CBL: variants seen among roughly 807,000 people sequenced by gnomAD.
CBL encodes the protein E3 ubiquitin-protein ligase CBL.
In CBL, 45 loss-of-function variants were observed where a neutral mutation model predicts 96.9. That is an observed-to-expected ratio of 0.46 (90% CI 0.37 to 0.60). The LOEUF (loss-of-function observed/expected upper bound fraction) is 0.60. Among genes scored for constraint, CBL ranks in the 20% least tolerant of loss-of-function variants. CBL has a pLI of 0.00. For missense variants in CBL, 1,024 were observed against 1,143.5 expected (o/e 0.90, Z 1.51); for synonymous variants, 420 against 426.8 (o/e 0.98, Z 0.20).
rs895664191 is a variant in CBL at position 119,273,933 on chromosome 11, T to C, written c.656T>C (p.Leu219Pro). The change falls in exon 4 of 16, where the codon CTG becomes CCG. Residue 219 changes from leucine to proline, a missense_variant. Around this residue, in one of 4 missense-constraint regions of CBL, gnomAD observed 192 missense variants for 321.8 expected, o/e 0.60. Transcript: ENST00000264033. ...LHEVHPISSGLEAMALKSTID... is the reference protein window; with the variant it reads ...LHEVHPISSGPEAMALKSTID... ...GAAGTGCATCCCATCAGTTCTGGGC[T>C]GGAGGCCATGGCTCTGAAATCCACT... 1.9e-6 allele frequency: 3 copies of C among 1,614,034 alleles called. No individual in the cohort carries two copies. Among genetic ancestry groups the C allele is most frequent in the Non-Finnish European group, 2.5e-6 (3 of 1,179,850 alleles).
At position 119,211,169 on chromosome 11, in the gene CBL, C is replaced by G. The variant is rs12364448; in HGVS notation, c.195+4557C>G. Among the ~76,000 whole-genome samples, 298 of 152,126 alleles carry G rather than the reference C, an allele frequency of 2.0e-3. 1 individual carries two copies. Among genetic ancestry groups the G allele is most frequent in the African/African-American group, 3.2e-3 (131 of 41,528 alleles). ...AGCGGATCATCTGAGGTCAGGAGTT[C>G]GAGACCAGCCTGGCCAAAAAGGTGA... On this transcript the variant is annotated intron_variant, in intron 1 of 15. Transcript: ENST00000264033.
At chr11:119,206,759 G>A (rs1436521152) in intron 1 of CBL, 147 bp downstream of exon 1, 19 of 774,894 alleles carry the variant, frequency 2.5e-5, no homozygotes, top group Middle Eastern at 3.8e-4. Context: ...GGCCGGGGGC[G>A]TGGGGGCAGG....
At position 119,303,229 on chromosome 11, in the gene CBL, C is replaced by T. The variant is rs1039210431; in HGVS notation, c.*3448C>T. On this transcript the variant is annotated 3_prime_UTR_variant, in exon 16 of 16. Transcript: ENST00000264033. ...TAAAGCAGAATATTCTCCTACCTCA[C>T]GTCATTAAAGTCAGAAGATTATAGA... 3 of 231,536 alleles carry T rather than the reference C, an allele frequency of 1.3e-5. No homozygotes were observed. The highest frequency in any genetic ancestry group is 6.1e-5 in the East Asian group (1 of 16,278). The allele number at this position is 231,536 out of a possible 1,614,324, so 14.3% of individuals were successfully genotyped here. A position where few individuals can be genotyped will look rare whatever the true frequency, so the allele number is the denominator to read the frequency against.
intron 2 of CBL, among the ~76,000 whole-genome samples, chr11:119,265,015 T>C (rs1949790846): frequency 6.6e-6 from 1 of 152,106 alleles, no homozygotes; most frequent in Admixed American, 6.5e-5. Context: ...TAGCTGGGAC[T>C]ACAGCTGTGC....
chr11:119,299,188 A>G (rs192464904), intron 15 of CBL, among the ~76,000 whole-genome samples: 23 of 152,388 alleles, frequency 1.5e-4, no homozygotes, highest in Admixed American at 3.9e-4. Flanking sequence ...TCCCCTCAGA[A>G]TTAAAACAGA....
intron 9 of CBL, among the ~76,000 whole-genome samples, chr11:119,280,408 A>G (rs182964883): frequency 4.9e-4 from 75 of 152,268 alleles, no homozygotes; most frequent in Non-Finnish European, 8.7e-4. Flanking sequence ...AAATAATTTG[A>G]GTGAAAATAT....
Position 119,305,094 on chromosome 11 carries a change from G to C in CBL, c.*5313G>C. ...AGAGACTCCACAGACACCCTAAAAA[G>C]GCTTCTACTCAAGAAGTAAAGCCAC... On this transcript the variant is annotated 3_prime_UTR_variant, in exon 16 of 16. Transcript: ENST00000264033. 1 of 219,854 alleles carries C rather than the reference G, an allele frequency of 4.5e-6. No individual in the cohort carries two copies. Among genetic ancestry groups the C allele is most frequent in the Non-Finnish European group, 9.1e-6 (1 of 109,550 alleles). The allele number at this position is 219,854 out of a possible 1,614,324, so 13.6% of individuals were successfully genotyped here. A position where few individuals can be genotyped will look rare whatever the true frequency, so the allele number is the denominator to read the frequency against.
At chr11:119,278,380 G>C (rs2135304152) in intron 8 of CBL, 83 bp downstream of exon 8, 1 of 1,561,392 alleles carries the variant, frequency 6.4e-7, no homozygotes. Flanking sequence ...TGATACAAGG[G>C]GTGGCCTGGC....
At chr11:119,293,342 A>AAGTGATCCACCC (rs1417393513) in intron 12 of CBL, among the ~76,000 whole-genome samples, 1 of 152,026 alleles carries the variant, frequency 6.6e-6, no homozygotes, top group African/African-American at 2.4e-5. Flanking sequence ...TCCTGACCTC[A>AAGTGATCCACCC]AGTGATCCAC....
At position 119,287,852 on chromosome 11, in the gene CBL, A is replaced by G. The variant is rs143264567; in HGVS notation, c.1942A>G (p.Ser648Gly). ...TTCAACACTTTTCTTTACTTTCCAG[A>G]GTATGAATAGCAGCCCATTAGTAGG... ...GSTFSLDTSM[S>G]MNSSPLVGPE... Residue 648 changes from serine (S) to glycine (G), a missense_variant and splice_region_variant, in exon 12 of 16, where the codon AGT (serine) becomes GGT (glycine). Transcript: ENST00000264033. The G allele has an allele frequency of 3.1e-6, 5 of 1,602,332 alleles. No homozygotes were observed. The South Asian group carries it at 4.4e-5, about 14-fold the overall frequency.
At chr11:119,245,227 T>C (rs906683789) in intron 2 of CBL, among the ~76,000 whole-genome samples, 1 of 151,808 alleles carries the variant, frequency 6.6e-6, no homozygotes, top group Non-Finnish European at 1.5e-5. Context: ...AGCTTTTTTT[T>C]ATTAATGCAG....
intron 2 of CBL, among the ~76,000 whole-genome samples, chr11:119,255,804 A>G (rs1426244219): frequency 6.6e-6 from 1 of 152,154 alleles, no homozygotes. Context: ...GTATGTCTAT[A>G]TATGAATGAT....
chr11:119,288,548 C>G (rs1591265869), intron 12 of CBL, among the ~76,000 whole-genome samples: 1 of 152,094 alleles, frequency 6.6e-6, no homozygotes, highest in African/African-American at 2.4e-5. Context: ...GCTACTGGGT[C>G]CTCCTATTCT....
chr11:119,284,277 G>A (rs1452217715), intron 9 of CBL, among the ~76,000 whole-genome samples: 5 of 151,794 alleles, frequency 3.3e-5, no homozygotes, highest in Admixed American at 3.3e-4. Context: ...GTTAATATCT[G>A]CACCCCCCGC....
chr11:119,260,939 C>CTTTT lies in CBL; in HGVS notation c.444-10779_444-10776dup, dbSNP rs35248070. On this transcript the variant is annotated intron_variant, in intron 2 of 15. Transcript: ENST00000264033. ...TTTCACTTTGGCAGTTAAATCTCTA[C>CTTTT]TTTTTTTTTTTTTTTTTTTTAATGG... Among the ~76,000 whole-genome samples, 81 of 89,920 alleles carry CTTTT rather than the reference C, an allele frequency of 9.0e-4. 8 individuals carry two copies. Among genetic ancestry groups the CTTTT allele is most frequent in the East Asian group, 4.3e-3 (10 of 2,302 alleles). The allele number at this position is 89,920 out of a possible 152,430, so 59.0% of individuals were successfully genotyped here.
intron 5 of CBL, 140 bp downstream of exon 5, chr11:119,275,093 G>A (rs534776164): frequency 1.9e-5 from 16 of 847,998 alleles, no homozygotes; most frequent in African/African-American, 3.4e-5. Flanking sequence ...TTTATCAGAC[G>A]TATTGACTTA....
At chr11:119,237,799 G>A (rs1447463959) in intron 2 of CBL, among the ~76,000 whole-genome samples, 1 of 152,122 alleles carries the variant, frequency 6.6e-6, no homozygotes, top group Non-Finnish European at 1.5e-5. Context: ...TTGTACTAAA[G>A]CTTTGGAATC....
In CBL at chr11:119,271,901, A is replaced by ATT; in HGVS notation, c.590+22_590+23dup. 6.2e-7 allele frequency: 1 copy of ATT among 1,611,826 alleles called. No homozygotes were observed. Among genetic ancestry groups the ATT allele is most frequent in the Non-Finnish European group, 8.5e-7 (1 of 1,178,284 alleles). On this transcript the variant is annotated intron_variant, in intron 3 of 15. Transcript: ENST00000264033. ...GGAAAAGTAAGTCTCAGAATAATGAATTTGAACTATGAAAAACTAAAGCTT... is the reference window on the plus strand; with the variant it reads ...GGAAAAGTAAGTCTCAGAATAATGAATTTTTGAACTATGAAAAACTAAAGCTT...
Position 119,305,767 on chromosome 11 carries a change from T to C in CBL, c.*5986T>C, listed in dbSNP as rs764329156. 1.7e-4 allele frequency: 39 copies of C among 227,588 alleles called. No individual in the cohort carries two copies. The highest frequency in any genetic ancestry group is 2.6e-3 in the Middle Eastern group (2 of 774). 14.1% of individuals were successfully genotyped at this position (227,588 alleles called of 1,614,324 possible). Reference sequence around the variant, plus strand: ...AAAGCTTTCCTTTTCTGTTTTTTTTTAAAACTATGCTTTTGCTTGCCTAAA... The same window carrying C: ...AAAGCTTTCCTTTTCTGTTTTTTTTCAAAACTATGCTTTTGCTTGCCTAAA... On this transcript the variant is annotated 3_prime_UTR_variant, in exon 16 of 16. Coordinates refer to ENST00000264033, the MANE Select transcript of CBL (RefSeq NM_005188.4).
Sources: allele counts gnomAD v4.1 joint callset (sites outside exome capture counted in the v4.1 genomes callset), GRCh38; gene constraint gnomAD v4.1.1; regional missense constraint gnomAD v4.1.1; transcripts MANE v1.5; gene names NCBI Gene and HGNC (gene_info 2026-07-23, HGNC 2026-07-21).